Variants in PCDHA9 observed in about 807,000 individuals in gnomAD.
The protein encoded by PCDHA9 is protocadherin alpha-9.
A neutral mutation model predicts 62.0 loss-of-function variants in PCDHA9; 62 were observed. The observed-to-expected ratio is 1.00, with a 90% confidence interval of 0.81 to 1.23. PCDHA9 has a LOEUF of 1.23. PCDHA9 is among the 50% of genes most tolerant of loss of function. The pLI is 0.00. For missense variants in PCDHA9, 1,205 were observed against 1,249.8 expected (o/e 0.96, Z 0.54); for synonymous variants, 557 against 567.6 (o/e 0.98, Z 0.27).
At chr5:140,988,043 A>G (rs2153870251) in intron 3 of PCDHA9, among the ~76,000 whole-genome samples, 1 of 152,336 alleles carries the variant, frequency 6.6e-6, no homozygotes, top group Non-Finnish European at 1.5e-5. Context: ...GAATCTGTTT[A>G]GGAGCACTGT....
At chr5:140,995,025 C>A (rs1304675289) in intron 3 of PCDHA9, among the ~76,000 whole-genome samples, 1 of 152,146 alleles carries the variant, frequency 6.6e-6, no homozygotes, top group Non-Finnish European at 1.5e-5. Context: ...AAAGAAGATT[C>A]TTTTAAGTTT....
At chr5:140,938,187 C>T (rs1584944424) in intron 1 of PCDHA9, among the ~76,000 whole-genome samples, 1 of 152,158 alleles carries the variant, frequency 6.6e-6, no homozygotes, top group Admixed American at 6.5e-5. Context: ...CTCAAGCAAT[C>T]CTCCCACGCC....
Position 141,011,486 on chromosome 5 carries a change from T to C in PCDHA9, c.*1549T>C, listed in dbSNP as rs887081256. ...GAATGTAATTCCATTATATTTCCTT[T>C]TGTACACCTGTGAAAAAGTGGAGTA... is the stretch of plus-strand genomic sequence containing the variant. On this transcript the variant is annotated 3_prime_UTR_variant, in exon 4 of 4. Coordinates refer to ENST00000532602, the MANE Select transcript of PCDHA9 (RefSeq NM_031857.2). 15 of 153,928 alleles carry C rather than the reference T, an allele frequency of 9.7e-5. No homozygotes were observed. Among genetic ancestry groups the C allele is most frequent in the African/African-American group, 2.9e-4 (12 of 41,596 alleles). The allele number at this position is 153,928 out of a possible 1,614,324, so 9.5% of individuals were successfully genotyped here.
Position 140,852,497 on chromosome 5 carries a change from C to T in PCDHA9, c.2394+1608C>T, listed in dbSNP as rs1462166963. The T allele has an allele frequency of 3.2e-5, 8 of 251,770 alleles. 1 individual carries two copies. The South Asian group carries it at 6.1e-4, about 19-fold the overall frequency. 15.6% of individuals were successfully genotyped at this position (251,770 alleles called of 1,614,324 possible). ...TTCATCATGTTGGCCAGGTTGGTCT[C>T]GAACTCCTGACCTTGTGATGCTCCC... is the stretch of plus-strand genomic sequence containing the variant. On this transcript the variant is annotated intron_variant, in intron 1 of 3. Coordinates refer to ENST00000532602, the MANE Select transcript of PCDHA9 (RefSeq NM_031857.2).
At chr5:140,977,813 C>T (rs1347788650) in intron 1 of PCDHA9, among the ~76,000 whole-genome samples, 1 of 152,192 alleles carries the variant, frequency 6.6e-6, no homozygotes, top group Non-Finnish European at 1.5e-5. Flanking sequence ...GAATTATTGA[C>T]AGTTTTGAAT....
intron 1 of PCDHA9, among the ~76,000 whole-genome samples, chr5:140,952,912 C>A (rs1554220675): frequency 6.6e-6 from 1 of 152,042 alleles, no homozygotes; most frequent in East Asian, 1.9e-4. Flanking sequence ...GCTCATCTTA[C>A]ATGGCATGAG....
rs1243853436 is a variant in PCDHA9, at chr5:140,900,308, A to G, written c.2394+49419A>G. ...CTTTTCTGTTTTTTTAGACAGTCTC[A>G]CTTTTGTCGCCCAGGCTGGAGTACC... On this transcript the variant is annotated intron_variant, in intron 1 of 3. Transcript: ENST00000532602. 1.3e-4 allele frequency among the ~76,000 whole-genome samples: 19 copies of G among 149,982 alleles called. No individual in the cohort carries two copies. The East Asian group carries it at 3.9e-3, about 31-fold the overall frequency.
At chr5:140,923,753 T>C (rs1554201575) in intron 1 of PCDHA9, among the ~76,000 whole-genome samples, 1 of 152,174 alleles carries the variant, frequency 6.6e-6, no homozygotes. Flanking sequence ...AGGCATATGG[T>C]GGGACAAATC....
chr5:140,934,941 T>C (rs1397192075), intron 1 of PCDHA9, among the ~76,000 whole-genome samples: 4 of 152,172 alleles, frequency 2.6e-5, no homozygotes, highest in African/African-American at 9.6e-5. Context: ...AAAACTAGTA[T>C]AGAGAGATCC....
intron 1 of PCDHA9, among the ~76,000 whole-genome samples, chr5:140,893,817 C>G (rs951661016): frequency 6.6e-6 from 1 of 151,980 alleles, no homozygotes; most frequent in Admixed American, 6.6e-5. Flanking sequence ...AGTCTGGTAC[C>G]GTAGACTACT....
intron 3 of PCDHA9, among the ~76,000 whole-genome samples, chr5:141,005,068 A>C (rs1314916800): frequency 6.6e-6 from 1 of 152,256 alleles, no homozygotes. Flanking sequence ...GCATTGTGCT[A>C]AGGATCAAGC....
chr5:140,849,974 G>A lies in PCDHA9; in HGVS notation c.1479G>A (p.Ser493=), dbSNP rs190398483. ...DAQENALVSY[S]LVERRLGERS... The stretch of plus-strand genomic sequence containing the variant: ...AGGAGAACGCCCTGGTGTCCTACTC[G>A]CTGGTGGAGCGGCGGTTGGGCGAGC... The change falls in exon 1 of 4, where the codon TCG becomes TCA. Residue 493 remains serine, a synonymous_variant. Transcript: ENST00000532602. The A allele has an allele frequency of 6.3e-5, 100 of 1,597,670 alleles. 8 individuals carry two copies. Among genetic ancestry groups the A allele is most frequent in the Non-Finnish European group, 7.6e-5 (89 of 1,167,890 alleles).
intron 1 of PCDHA9, among the ~76,000 whole-genome samples, chr5:140,915,255 A>G (rs2077044659): frequency 6.6e-6 from 1 of 152,018 alleles, no homozygotes; most frequent in African/African-American, 2.4e-5. Flanking sequence ...CCAGGTTGTT[A>G]TTATTTTTGA....
intron 1 of PCDHA9, chr5:140,870,984 G>T (rs1554164960): frequency 3.7e-6 from 6 of 1,613,520 alleles, no homozygotes; most frequent in Non-Finnish European, 8.5e-7. Context: ...GGCTGTACAC[G>T]GGCGAGATAA....
At chr5:141,009,118 C>G (rs2098400274) in intron 3 of PCDHA9, among the ~76,000 whole-genome samples, 1 of 152,182 alleles carries the variant, frequency 6.6e-6, no homozygotes, top group Non-Finnish European at 1.5e-5. Flanking sequence ...AAACTAGATT[C>G]TTGGTATCCT....
At chr5:140,876,672 C>T in intron 1 of PCDHA9, 1 of 1,614,208 alleles carries the variant, frequency 6.2e-7, no homozygotes, top group Non-Finnish European at 8.5e-7. Context: ...TGGTGTCCAC[C>T]TACAAGAATT....
In PCDHA9 at chr5:140,849,034, T is replaced by A; in HGVS notation, c.539T>A (p.Leu180Gln). The A allele has an allele frequency of 6.3e-7, 1 of 1,579,556 alleles. No homozygotes were observed. The highest frequency in any genetic ancestry group is 8.6e-7 in the Non-Finnish European group (1 of 1,159,292). ...CTGAGCCCCAATGAGTATTTCTTCCTGGACGTGCCAACCAGCAACCAGCAG... is the reference window on the plus strand; with the variant it reads ...CTGAGCCCCAATGAGTATTTCTTCCAGGACGTGCCAACCAGCAACCAGCAG... ...YRLSPNEYFF[L>Q]DVPTSNQQVK... is the part of the protein sequence containing the mutation. Residue 180 changes from leucine to glutamine, a missense_variant, in exon 1 of 4, where the codon CTG (leucine) becomes CAG (glutamine). By Grantham distance (113) the Leu-to-Gln change is moderately radical. Coordinates refer to ENST00000532602, the MANE Select transcript of PCDHA9 (RefSeq NM_031857.2).
intron 1 of PCDHA9, chr5:140,969,583 AG>A: frequency 1.1e-6 from 1 of 914,068 alleles, no homozygotes; most frequent in South Asian, 1.9e-5. Context: ...AGTGAGGATT[AG>A]TCTTAATATT....
intron 1 of PCDHA9, among the ~76,000 whole-genome samples, chr5:140,913,644 A>T (rs889499847): frequency 3.9e-5 from 6 of 151,920 alleles, no homozygotes; most frequent in Non-Finnish European, 8.8e-5. Flanking sequence ...CTGCTTTTCT[A>T]GTTCTTTAAG....
Sources: allele counts gnomAD v4.1 joint callset (sites outside exome capture counted in the v4.1 genomes callset), GRCh38; gene constraint gnomAD v4.1.1; transcripts MANE v1.5; gene names NCBI Gene and HGNC (gene_info 2026-07-23, HGNC 2026-07-21).